DPP10: variants seen among roughly 807,000 people sequenced by gnomAD.
The protein encoded by DPP10 is inactive dipeptidyl peptidase 10.
In DPP10, 33 loss-of-function variants were observed where a neutral mutation model predicts 120.9. That is an observed-to-expected ratio of 0.27 (90% CI 0.21 to 0.37). The LOEUF (loss-of-function observed/expected upper bound fraction) is 0.37, where lower values mean the gene tolerates loss of function less well. DPP10 is among the 10% of genes least tolerant of loss of function. The pLI, the probability that DPP10 is intolerant of heterozygous loss-of-function variation, is 1.00. For synonymous variants in DPP10, 337 were observed against 326.1 expected (o/e 1.03, Z -0.36); for missense variants, 816 against 942.8 (o/e 0.87, Z 1.76).
At chr2:115,653,243 T>C (rs747623929) in intron 5 of DPP10, among the ~76,000 whole-genome samples, 13 of 151,920 alleles carry the variant, frequency 8.6e-5, no homozygotes, top group Non-Finnish European at 1.6e-4. Flanking sequence ...GGGCAAAGAA[T>C]GTAAAATCAG....
chr2:115,789,279 A>G (rs1683682349), intron 17 of DPP10, among the ~76,000 whole-genome samples: 2 of 152,212 alleles, frequency 1.3e-5, no homozygotes, highest in Admixed American at 6.5e-5. Flanking sequence ...TATAGAAAGT[A>G]TGATAGTTTG....
chr2:114,578,145 A>G (rs994359102), intron 1 of DPP10, among the ~76,000 whole-genome samples: 5 of 152,240 alleles, frequency 3.3e-5, no homozygotes, highest in Admixed American at 2.6e-4. Flanking sequence ...AAAACCATGG[A>G]CATTTAGAAC....
intron 1 of DPP10, among the ~76,000 whole-genome samples, chr2:114,976,616 T>C (rs1248184019): frequency 6.6e-6 from 1 of 152,224 alleles, no homozygotes; most frequent in Non-Finnish European, 1.5e-5. Flanking sequence ...TAGCATAGAA[T>C]ATTTCAGTGG....
chr2:115,529,147 C>A (rs2078308286), intron 5 of DPP10, among the ~76,000 whole-genome samples: 1 of 151,632 alleles, frequency 6.6e-6, no homozygotes, highest in African/African-American at 2.4e-5. Context: ...TTTAAAAAGT[C>A]CTAAAATAAG....
intron 19 of DPP10, among the ~76,000 whole-genome samples, chr2:115,805,645 G>T (rs1685863916): frequency 1.3e-5 from 2 of 150,950 alleles, no homozygotes; most frequent in African/African-American, 4.9e-5. Context: ...TGCAATCTTG[G>T]CTCACTGCAA....
intron 1 of DPP10, among the ~76,000 whole-genome samples, chr2:115,015,273 C>G (rs1195145537): frequency 6.6e-6 from 1 of 152,108 alleles, no homozygotes; most frequent in Non-Finnish European, 1.5e-5. Context: ...TCAATAGATG[C>G]AGAAAAGGCC....
At chr2:114,460,550 G>A (rs947424101) in intron 1 of DPP10, among the ~76,000 whole-genome samples, 3 of 151,926 alleles carry the variant, frequency 2.0e-5, no homozygotes, top group African/African-American at 7.3e-5. Flanking sequence ...ATGACACAAG[G>A]TGTACATTTA....
At chr2:115,303,808 A>T (rs919305835) in intron 1 of DPP10, among the ~76,000 whole-genome samples, 7 of 151,906 alleles carry the variant, frequency 4.6e-5, no homozygotes, top group African/African-American at 1.7e-4. Context: ...CATTTTGTTA[A>T]ATGGTAAATG....
intron 1 of DPP10, among the ~76,000 whole-genome samples, chr2:114,508,014 T>A (rs1683821162): frequency 6.6e-6 from 1 of 152,100 alleles, no homozygotes; most frequent in Admixed American, 6.6e-5. Context: ...TTTGCTTCCA[T>A]CCTTCCTTCC....
chr2:115,314,783 A>G (rs980369884), intron 2 of DPP10, among the ~76,000 whole-genome samples: 4 of 152,296 alleles, frequency 2.6e-5, no homozygotes, highest in South Asian at 2.1e-4. Flanking sequence ...GCTATGCTCA[A>G]TTAGTTCATT....
At chr2:115,767,018 T>C (rs188970802) in intron 12 of DPP10, among the ~76,000 whole-genome samples, 1 of 152,226 alleles carries the variant, frequency 6.6e-6, no homozygotes, top group East Asian at 1.9e-4. Context: ...TCAGGTGCTA[T>C]GGAAAACTAG....
chr2:115,588,065 C>A (rs954761604), intron 5 of DPP10, among the ~76,000 whole-genome samples: 36 of 152,114 alleles, frequency 2.4e-4, no homozygotes, highest in Admixed American at 1.1e-3. Context: ...ATCTATTGAC[C>A]TTTTCCATAA....
At chr2:115,010,376 A>C (rs1257627251) in intron 1 of DPP10, among the ~76,000 whole-genome samples, 1 of 152,294 alleles carries the variant, frequency 6.6e-6, no homozygotes, top group East Asian at 1.9e-4. Flanking sequence ...TCACAGATAA[A>C]ATTTGAGAAT....
chr2:115,644,440 G>T (rs188691945), intron 5 of DPP10, among the ~76,000 whole-genome samples: 3 of 152,164 alleles, frequency 2.0e-5, no homozygotes, highest in African/African-American at 7.2e-5. Context: ...GCGATAGTTT[G>T]CTGAGAATGA....
chr2:115,552,367 C>T (rs977275384), intron 5 of DPP10, among the ~76,000 whole-genome samples: 1 of 152,056 alleles, frequency 6.6e-6, no homozygotes, highest in African/African-American at 2.4e-5. Context: ...GTCTATGCTC[C>T]CATTTACTTT....
At chr2:115,568,817 C>A (rs914559980) in intron 5 of DPP10, among the ~76,000 whole-genome samples, 2 of 152,162 alleles carry the variant, frequency 1.3e-5, no homozygotes, top group African/African-American at 2.4e-5. Flanking sequence ...CTAAAATACA[C>A]TTTTTAAGTT....
At position 115,049,451 on chromosome 2, in the gene DPP10, T is replaced by C. The variant is rs550915203; in HGVS notation, c.61-259788T>C. 2.6e-5 allele frequency among the ~76,000 whole-genome samples: 4 copies of C among 152,292 alleles called. No individual in the cohort carries two copies. The South Asian group carries it at 8.3e-4, about 32-fold the overall frequency. On this transcript the variant is annotated intron_variant, in intron 1 of 25. Transcript: ENST00000410059. Reference sequence around the variant, plus strand: ...CTACTTTATAGCCTTTCATTTCTTGTCTTTATCTATGCAATGGAGACAATA... The same window carrying C: ...CTACTTTATAGCCTTTCATTTCTTGCCTTTATCTATGCAATGGAGACAATA...
At chr2:115,456,818 A>G (rs1385726930) in intron 3 of DPP10, among the ~76,000 whole-genome samples, 1 of 152,016 alleles carries the variant, frequency 6.6e-6, no homozygotes, top group African/African-American at 2.4e-5. Flanking sequence ...TCAGTGGGTG[A>G]GGAGCTAGGG....
intron 5 of DPP10, among the ~76,000 whole-genome samples, chr2:115,607,862 C>G (rs562909939): frequency 2.9e-4 from 44 of 152,198 alleles, no homozygotes; most frequent in Admixed American, 2.1e-3. Context: ...GGCCCAGAAT[C>G]AATATGTAGA....
Sources: gnomAD v4.1 joint callset for allele counts (sites outside exome capture counted in the v4.1 genomes callset) on GRCh38, gnomAD v4.1.1 for gene constraint, MANE v1.5 for transcripts, NCBI Gene and HGNC (gene_info 2026-07-23, HGNC 2026-07-21) for gene names.